Variants in KCNH8 observed in about 807,000 individuals in gnomAD.
KCNH8 encodes potassium voltage-gated channel subfamily H member 8.
In KCNH8, 70 loss-of-function variants were observed where a neutral mutation model predicts 103.6. That is an observed-to-expected ratio of 0.68 (90% CI 0.56 to 0.82). The LOEUF is 0.82. Ranked by LOEUF, KCNH8 falls within the 40% of genes least tolerant of loss-of-function variation. The probability of loss-of-function intolerance (pLI) is 0.00; values close to 1 mark genes in which losing one functional copy is unlikely to be tolerated. For synonymous variants in KCNH8, 498 were observed against 489.4 expected, an observed-to-expected ratio of 1.02 and a Z score of -0.23; for missense variants, 1,217 against 1,329.9, an observed-to-expected ratio of 0.92 and a Z score of 1.32.
chr3:19,205,233 A>G (rs1195893227), intron 1 of KCNH8, among the ~76,000 whole-genome samples: 1 of 152,096 alleles, frequency 6.6e-6, no homozygotes, highest in Non-Finnish European at 1.5e-5. Context: ...AAAAAAAATG[A>G]GAACCTGGCC....
chr3:19,266,529 C>T (rs950553731), intron 2 of KCNH8, among the ~76,000 whole-genome samples: 3 of 152,054 alleles, frequency 2.0e-5, no homozygotes, highest in Admixed American at 1.3e-4. Flanking sequence ...CAGTAGGCAC[C>T]ACCTTGTGTT....
chr3:19,533,614 G>A lies in KCNH8; in HGVS notation c.2839G>A (p.Ala947Thr). The change falls in exon 16 of 16, where the codon GCA becomes ACA. Residue 947 changes from alanine to threonine, a missense_variant. Transcript: ENST00000328405. ...LQTGGAAYTQ[A>T]QLCSSNITSD... is the part of the protein sequence containing the mutation. The stretch of plus-strand genomic sequence containing the variant: ...AACAGGCGGGGCTGCTTATACCCAA[G>A]CACAACTTTGTAGCAGTAATATCAC... The A allele has an allele frequency of 6.2e-7, 1 of 1,614,172 alleles. No homozygotes were observed. The highest frequency in any genetic ancestry group is 8.5e-7 in the Non-Finnish European group (1 of 1,180,026).
chr3:19,390,414 C>T, intron 5 of KCNH8, 67 bp from the exon 6 acceptor site: 4 of 1,193,696 alleles, frequency 3.4e-6, no homozygotes, highest in Non-Finnish European at 4.7e-6. Context: ...CTTTCATTGT[C>T]CTTCCTACCT....
At chr3:19,243,886 GTTAAA>G (rs1178671473) in intron 1 of KCNH8, among the ~76,000 whole-genome samples, 11 of 152,252 alleles carry the variant, frequency 7.2e-5, no homozygotes, top group South Asian at 6.2e-4. Context: ...CAGGGGACAA[GTTAAA>G]TTAAATATTT....
rs573445078 is a variant in KCNH8 at position 19,291,884 on chromosome 3, T to G, written c.442+10555T>G. On this transcript the variant is annotated intron_variant, in intron 3 of 15. Coordinates refer to ENST00000328405, the MANE Select transcript of KCNH8 (RefSeq NM_144633.3). ...GAAACCGGCATAGGGCTTCATTCTTTGCATTTCCTACATTGCCTTAAACAT... is the reference window on the plus strand; with the variant it reads ...GAAACCGGCATAGGGCTTCATTCTTGGCATTTCCTACATTGCCTTAAACAT... Among the ~76,000 whole-genome samples the G allele has an allele frequency of 1.0e-3, 153 of 152,340 alleles. 1 individual carries two copies. Among genetic ancestry groups the G allele is most frequent in the African/African-American group, 3.0e-3 (126 of 41,576 alleles).
chr3:19,448,897 T>C, intron 8 of KCNH8: 1 of 904,204 alleles, frequency 1.1e-6, no homozygotes, highest in Non-Finnish European at 1.6e-6. Flanking sequence ...TCCATAAATA[T>C]GAACGTGCTT....
At chr3:19,263,928 A>G (rs1295555549) in intron 2 of KCNH8, among the ~76,000 whole-genome samples, 2 of 152,026 alleles carry the variant, frequency 1.3e-5, no homozygotes, top group African/African-American at 4.8e-5. Context: ...AGGGCCACCA[A>G]ACAGTTACCA....
At chr3:19,152,307 G>T (rs1009393521) in intron 1 of KCNH8, among the ~76,000 whole-genome samples, 1 of 152,082 alleles carries the variant, frequency 6.6e-6, no homozygotes, top group African/African-American at 2.4e-5. Context: ...TGAAAAAATA[G>T]TATTTTTAGT....
At chr3:19,191,104 A>G (rs772966921) in intron 1 of KCNH8, among the ~76,000 whole-genome samples, 2 of 151,850 alleles carry the variant, frequency 1.3e-5, no homozygotes, top group African/African-American at 4.8e-5. Context: ...TTTCACAGAA[A>G]CTTTTATCTT....
intron 10 of KCNH8, among the ~76,000 whole-genome samples, chr3:19,453,800 A>T (rs1199513009): frequency 6.6e-6 from 1 of 152,188 alleles, no homozygotes; most frequent in African/African-American, 2.4e-5. Context: ...ACTATGAGAA[A>T]TAATTTTTTT....
chr3:19,248,386 A>C (rs2064232605), intron 1 of KCNH8, among the ~76,000 whole-genome samples: 1 of 152,214 alleles, frequency 6.6e-6, no homozygotes, highest in South Asian at 2.1e-4. Flanking sequence ...CCTATTTCTG[A>C]AACACTGATT....
At chr3:19,400,128 T>A (rs1325599011) in intron 7 of KCNH8, among the ~76,000 whole-genome samples, 2 of 147,206 alleles carry the variant, frequency 1.4e-5, no homozygotes, top group Non-Finnish European at 3.0e-5. Flanking sequence ...GAAGACTCTT[T>A]CCATCTTACC....
chr3:19,364,868 G>A (rs990116938), intron 5 of KCNH8, among the ~76,000 whole-genome samples: 3 of 152,004 alleles, frequency 2.0e-5, no homozygotes, highest in African/African-American at 4.8e-5. Context: ...AATTCACTAT[G>A]GGAAGATGAA....
At chr3:19,318,899 A>G (rs915437133) in intron 3 of KCNH8, among the ~76,000 whole-genome samples, 1 of 151,534 alleles carries the variant, frequency 6.6e-6, no homozygotes, top group African/African-American at 2.4e-5. Context: ...TTTCCCTGAT[A>G]CATAGTAATG....
At chr3:19,389,021 G>C (rs953359704) in intron 5 of KCNH8, among the ~76,000 whole-genome samples, 1 of 152,128 alleles carries the variant, frequency 6.6e-6, no homozygotes, top group Non-Finnish European at 1.5e-5. Flanking sequence ...GGGCTCATAC[G>C]AAGAACCTGT....
chr3:19,497,238 A>G (rs1010476880), intron 11 of KCNH8, among the ~76,000 whole-genome samples: 31 of 152,176 alleles, frequency 2.0e-4, no homozygotes, highest in East Asian at 5.8e-4. Flanking sequence ...TCATGTCTTA[A>G]TATCCTTCAG....
intron 11 of KCNH8, among the ~76,000 whole-genome samples, chr3:19,459,038 T>A (rs950078913): frequency 6.6e-6 from 1 of 152,074 alleles, no homozygotes; most frequent in East Asian, 1.9e-4. Flanking sequence ...TTGGCTATTA[T>A]GAATAATGCT....
chr3:19,407,306 C>G lies in KCNH8; in HGVS notation c.1177+11995C>G, dbSNP rs138722500. On this transcript the variant is annotated intron_variant, in intron 7 of 15. Coordinates refer to ENST00000328405, the MANE Select transcript of KCNH8 (RefSeq NM_144633.3). Reference sequence around the variant, plus strand: ...CCCTATCTTTCTATGCCTGTTTCTGCTAAATTTACAAATGTTGTATTCAGA... The same window carrying G: ...CCCTATCTTTCTATGCCTGTTTCTGGTAAATTTACAAATGTTGTATTCAGA... Among the ~76,000 whole-genome samples the G allele has an allele frequency of 4.0e-3, 612 of 152,202 alleles. 5 individuals are homozygous for G. Among genetic ancestry groups the G allele is most frequent in the Middle Eastern group, 0.017 (5 of 294 alleles).
At position 19,232,682 on chromosome 3, in the gene KCNH8, A is replaced by G. The variant is rs2064009913; in HGVS notation, c.77-20972A>G. 1.3e-5 allele frequency among the ~76,000 whole-genome samples: 2 copies of G among 152,196 alleles called. 1 individual carries two copies. The highest frequency in any genetic ancestry group is 4.1e-4 in the South Asian group (2 of 4,828). On this transcript the variant is annotated intron_variant, in intron 1 of 15. Transcript: ENST00000328405. ...CTTAGATTCTTTGTGAAATGCACAA[A>G]TGCCCAACCTGGGATAGCAGCTCTT...
Sources: allele counts gnomAD v4.1 joint callset (sites outside exome capture counted in the v4.1 genomes callset), GRCh38; gene constraint gnomAD v4.1.1; transcripts MANE v1.5; gene names NCBI Gene and HGNC (gene_info 2026-07-23, HGNC 2026-07-21).